The following TMEM185A variants were observed in gnomAD, a reference collection of about 807,000 sequenced individuals.
TMEM185A encodes transmembrane protein 185A.
TMEM185A carries 9 observed loss-of-function variants against 25.0 expected under a neutral mutation model. That is an observed-to-expected ratio of 0.36 (90% CI 0.22 to 0.63). The LOEUF is 0.63. TMEM185A is among the 20% of genes least tolerant of loss of function. TMEM185A has a pLI of 0.68. For synonymous variants in TMEM185A, 45 were observed against 93.5 expected (o/e 0.48, Z 2.99); for missense variants, 103 against 237.4 (o/e 0.43, Z 3.72).
At chrX:149,603,376 C>A (rs1199148635) in intron 4 of TMEM185A, among the ~76,000 whole-genome samples, 127 of 110,242 alleles carry the variant, frequency 1.2e-3, no homozygotes, top group Non-Finnish European at 2.7e-4. Context: ...ATCAGCTCAC[C>A]TCGGCCTCCC....
At chrX:149,614,024 TAAACAGA>T (rs1218800885) in intron 1 of TMEM185A, among the ~76,000 whole-genome samples, 20 of 112,052 alleles carry the variant, frequency 1.8e-4, no homozygotes, top group African/African-American at 6.2e-4. Flanking sequence ...ATAGAACACA[TAAACAGA>T]AAATTACTAA....
At chrX:149,623,925 A>C (rs782780126) in intron 1 of TMEM185A, among the ~76,000 whole-genome samples, 3 of 112,681 alleles carry the variant, frequency 2.7e-5, no homozygotes, top group African/African-American at 9.7e-5. Flanking sequence ...GTGACTGCAT[A>C]GCCAAAAGGA....
chrX:149,627,467 C>CG (rs2090169656), intron 1 of TMEM185A, among the ~76,000 whole-genome samples: 1 of 112,137 alleles, frequency 8.9e-6, no homozygotes. Context: ...TCCTTTTCTA[C>CG]ATAGACACAG....
At chrX:149,625,451 C>T (rs782483877) in intron 1 of TMEM185A, among the ~76,000 whole-genome samples, 2 of 112,677 alleles carry the variant, frequency 1.8e-5, no homozygotes, top group East Asian at 5.5e-4. Context: ...AGATTTCTCT[C>T]CTTTAACCAG....
At chrX:149,625,022 A>T (rs1007771588) in intron 1 of TMEM185A, among the ~76,000 whole-genome samples, 1 of 112,483 alleles carries the variant, frequency 8.9e-6, no homozygotes, top group Non-Finnish European at 1.9e-5. Flanking sequence ...GCCACATTGT[A>T]GGTAATAATC....
rs2124247965 is a variant in TMEM185A, at chrX:149,631,565, G to A, written c.16C>T (p.Leu6Phe). ...CACCTCGGGTTGAAGTCCTGGAAGA[G>A]GCCCCTCAGGTTCATGGCGGAGAAC... MNLRG[L>F]FQDFNPSKFL... The change falls in exon 1 of 7, where the codon CTC becomes TTC. Residue 6 changes from leucine to phenylalanine, a missense_variant. By Grantham distance (22) the Leu-to-Phe change is conservative. Around this residue, in one of 2 missense-constraint regions of TMEM185A, gnomAD observed 102 missense variants for 125.7 expected, o/e 0.81. Coordinates refer to ENST00000600449, the MANE Select transcript of TMEM185A (RefSeq NM_032508.4). 8.5e-7 allele frequency: 1 copy of A among 1,169,660 alleles called. No homozygotes were observed. The highest frequency in any genetic ancestry group is 3.2e-5 in the East Asian group (1 of 30,849).
At chrX:149,622,284 C>G (rs2090143054) in intron 1 of TMEM185A, among the ~76,000 whole-genome samples, 1 of 111,810 alleles carries the variant, frequency 8.9e-6, no homozygotes, top group South Asian at 3.7e-4. Flanking sequence ...CTAACATGAC[C>G]ATGGAATATG....
chrX:149,621,848 C>G (rs1264630072), intron 1 of TMEM185A, among the ~76,000 whole-genome samples: 1 of 111,919 alleles, frequency 8.9e-6, no homozygotes, highest in Non-Finnish European at 1.9e-5. Flanking sequence ...TATTTAAGGG[C>G]CCTGTAATTA....
In TMEM185A at chrX:149,608,801, G is replaced by T. The variant is rs781949205; in HGVS notation, c.249C>A (p.Ala83=). The change falls in exon 3 of 7, where the codon GCC becomes GCA. Residue 83 remains alanine, a synonymous_variant. Transcript: ENST00000600449. ...AGTGGATGCCCACTGCAATCAACAT[G>T]GCTTTAAACTCCACACACGTTTCTC... is the stretch of plus-strand genomic sequence containing the variant. ...AEGETCVEFK[A]MLIAVGIHLL... 2.7e-5 allele frequency: 33 copies of T among 1,209,457 alleles called. No individual in the cohort carries two copies. In the South Asian group the frequency reaches 3.0e-4, roughly 11 times the overall value.
chrX:149,605,545 TTCTA>T (rs782791068), intron 3 of TMEM185A, among the ~76,000 whole-genome samples: 66 of 104,398 alleles, frequency 6.3e-4, no homozygotes, highest in African/African-American at 2.3e-3. Flanking sequence ...CCATGTCACT[TTCTA>T]TAGCCTCCCA....
At chrX:149,610,148 T>C (rs6641200) in intron 2 of TMEM185A, among the ~76,000 whole-genome samples, 312 of 110,860 alleles carry the variant, frequency 2.8e-3, no homozygotes, top group African/African-American at 9.8e-3. Context: ...GTTGATGTAG[T>C]GGCCGGACGT....
intron 3 of TMEM185A, among the ~76,000 whole-genome samples, chrX:149,604,534 C>T (rs782739238): frequency 9.0e-6 from 1 of 111,574 alleles, no homozygotes; most frequent in African/African-American, 3.3e-5. Flanking sequence ...AGATTCCGTA[C>T]TGTATCTTTA....
At chrX:149,605,062 G>A (rs1164240024) in intron 3 of TMEM185A, 2 of 112,217 alleles carry the variant, frequency 1.8e-5, no homozygotes, top group African/African-American at 6.5e-5. Flanking sequence ...CCTGGACTGG[G>A]GGAGAAGAAA....
chrX:149,618,207 G>A (rs1401866848), intron 1 of TMEM185A, among the ~76,000 whole-genome samples: 1 of 111,697 alleles, frequency 9.0e-6, no homozygotes, highest in Non-Finnish European at 1.9e-5. Flanking sequence ...GAAGATTAAG[G>A]ATAGTCTTTA....
chrX:149,623,432 A>G (rs189546746), intron 1 of TMEM185A, among the ~76,000 whole-genome samples: 1 of 112,026 alleles, frequency 8.9e-6, no homozygotes, highest in Non-Finnish European at 1.9e-5. Context: ...TAGAGACCAG[A>G]GGTAGACATT....
At chrX:149,609,165 C>T (rs1281388712) in intron 2 of TMEM185A, among the ~76,000 whole-genome samples, 2 of 112,494 alleles carry the variant, frequency 1.8e-5, no homozygotes, top group African/African-American at 6.5e-5. Flanking sequence ...TCTTTAAATT[C>T]AACAACAAGA....
At chrX:149,614,173 T>C (rs1557354806) in intron 1 of TMEM185A, among the ~76,000 whole-genome samples, 1 of 111,729 alleles carries the variant, frequency 9.0e-6, no homozygotes, top group African/African-American at 3.3e-5. Flanking sequence ...GATTGAATTC[T>C]GGGCCATAAA....
intron 4 of TMEM185A, chrX:149,602,346 G>GTTAT (rs782643254): frequency 1.2e-4 from 14 of 112,367 alleles, no homozygotes; most frequent in African/African-American, 4.5e-4. Context: ...TCTGTCCTAT[G>GTTAT]TTATTTCCTA....
chrX:149,625,999 G>C (rs1369696971), intron 1 of TMEM185A, among the ~76,000 whole-genome samples: 1 of 112,420 alleles, frequency 8.9e-6, no homozygotes, highest in Non-Finnish European at 1.9e-5. Context: ...ACGCAGGAAA[G>C]AGCACAGGCT....
Sources: allele counts gnomAD v4.1 joint callset (sites outside exome capture counted in the v4.1 genomes callset), GRCh38; gene constraint gnomAD v4.1.1; regional missense constraint gnomAD v4.1.1; transcripts MANE v1.5; gene names NCBI Gene and HGNC (gene_info 2026-07-23, HGNC 2026-07-21).